Variants in ALDH1A2 observed in about 807,000 individuals in gnomAD.
The protein encoded by ALDH1A2 is aldehyde dehydrogenase 1 family member A2, also known as retinal dehydrogenase 2.
In ALDH1A2, 27 loss-of-function variants were observed where a neutral mutation model predicts 60.3. The ratio of observed to expected loss-of-function variants is 0.45; its 90% CI spans 0.33 to 0.62. ALDH1A2 has a LOEUF of 0.62. Among genes scored for constraint, ALDH1A2 ranks in the 20% least tolerant of loss-of-function variants. ALDH1A2 has a pLI of 0.02. For synonymous variants in ALDH1A2, 289 were observed against 232.4 expected, an observed-to-expected ratio of 1.24 and a Z score of -2.21; for missense variants, 581 against 643.8, an observed-to-expected ratio of 0.90 and a Z score of 1.06.
chr15:58,042,438 T>C lies in ALDH1A2; in HGVS notation c.117+23096A>G, dbSNP rs569993095. On this transcript the variant is annotated intron_variant, in intron 1 of 12. Transcript: ENST00000249750. The stretch of plus-strand genomic sequence containing the variant: ...AACATCTACATAAGGAACAGTAAAA[T>C]AGTAGATGCCCAATAAATGTTTCCT... 2.6e-5 allele frequency among the ~76,000 whole-genome samples: 4 copies of C among 152,072 alleles called. No homozygotes were observed. In the East Asian group the frequency reaches 5.8e-4, roughly 22 times the overall value.
intron 3 of ALDH1A2, among the ~76,000 whole-genome samples, chr15:58,013,581 G>A (rs746535162): frequency 2.6e-5 from 4 of 151,792 alleles, no homozygotes; most frequent in Admixed American, 6.6e-5. Context: ...GTGAAACCCC[G>A]TCTCTACTAA....
At chr15:57,957,862 A>T (rs1219916714) in intron 12 of ALDH1A2, among the ~76,000 whole-genome samples, 6 of 152,164 alleles carry the variant, frequency 3.9e-5, no homozygotes, top group Admixed American at 2.6e-4. Context: ...AGAGCGGAGT[A>T]AAGTCTCCAG....
chr15:57,980,495 T>C, intron 7 of ALDH1A2: 1 of 279,388 alleles, frequency 3.6e-6, no homozygotes, highest in Non-Finnish European at 7.6e-6. Flanking sequence ...CAGGCTCTTC[T>C]GGAAGTCAGG....
chr15:57,981,625 C>T (rs529986843), intron 7 of ALDH1A2, among the ~76,000 whole-genome samples: 28 of 152,236 alleles, frequency 1.8e-4, no homozygotes, highest in South Asian at 1.2e-3. Flanking sequence ...CTAAACAATT[C>T]GCCAAAAGTC....
Position 57,992,835 on chromosome 15 carries a change from G to A in ALDH1A2, c.685-17C>T, listed in dbSNP as rs745452092. ...AAAGCCAGCCTAAGAAAACAGAACA[G>A]GAGGAAACGTGGCTGATGAAAGCTG... On this transcript the variant is annotated splice_polypyrimidine_tract_variant and intron_variant, in intron 6 of 12. Transcript: ENST00000249750. The A allele has an allele frequency of 2.5e-6, 4 of 1,613,886 alleles. No individual in the cohort carries two copies. The highest frequency in any genetic ancestry group is 1.6e-4 in the Middle Eastern group (1 of 6,080).
At chr15:57,966,471 A>G (rs913473120) in intron 7 of ALDH1A2, among the ~76,000 whole-genome samples, 6 of 152,236 alleles carry the variant, frequency 3.9e-5, no homozygotes, top group African/African-American at 1.4e-4. Flanking sequence ...TGAAAATGAA[A>G]GTGTCATAAT....
At chr15:57,958,737 A>C (rs1893625551) in intron 12 of ALDH1A2, among the ~76,000 whole-genome samples, 1 of 152,246 alleles carries the variant, frequency 6.6e-6, no homozygotes, top group South Asian at 2.1e-4. Context: ...GGACCAAGAC[A>C]GAGCAGCTTC....
intron 9 of ALDH1A2, among the ~76,000 whole-genome samples, chr15:57,963,086 C>T (rs35639929): frequency 5.3e-5 from 8 of 152,148 alleles, no homozygotes; most frequent in Admixed American, 3.3e-4. Flanking sequence ...CCCTTCACTT[C>T]CTACACTTTC....
chr15:58,064,464 A>C (rs1294915980), intron 1 of ALDH1A2, among the ~76,000 whole-genome samples: 1 of 152,248 alleles, frequency 6.6e-6, no homozygotes, highest in Admixed American at 6.5e-5. Context: ...AGCCAGATGC[A>C]AACAATTTAC....
intron 12 of ALDH1A2, 115 bp downstream of exon 12, chr15:57,960,655 A>AT: frequency 1.1e-6 from 1 of 879,904 alleles, no homozygotes; most frequent in South Asian, 1.4e-5. Context: ...TGCTCCACGA[A>AT]ATGTTTGTTG....
intron 1 of ALDH1A2, among the ~76,000 whole-genome samples, chr15:58,017,895 T>A (rs1325466346): frequency 6.6e-6 from 1 of 152,192 alleles, no homozygotes; most frequent in African/African-American, 2.4e-5. Context: ...AATTAAAATT[T>A]TAATTTTACT....
rs1176803083 is a variant in ALDH1A2, at chr15:58,006,808, T to A, written c.493+3841A>T. ...GTCACCTGATGCACAAATTCTCAGC[T>A]GGGGTTGAGCAAGGTGACACTCTGC... On this transcript the variant is annotated intron_variant, in intron 4 of 12. Transcript: ENST00000249750. 1.4e-4 allele frequency among the ~76,000 whole-genome samples: 21 copies of A among 149,344 alleles called. 1 individual carries two copies. In the Admixed American group the frequency reaches 1.4e-3, roughly 10 times the overall value.
chr15:58,020,651 C>T (rs1895900790), intron 1 of ALDH1A2, among the ~76,000 whole-genome samples: 1 of 152,168 alleles, frequency 6.6e-6, no homozygotes, highest in African/African-American at 2.4e-5. Flanking sequence ...CCCACCCTGC[C>T]ACTAGAGGTA....
intron 1 of ALDH1A2, among the ~76,000 whole-genome samples, chr15:58,035,675 T>G (rs1230801624): frequency 6.6e-6 from 1 of 151,782 alleles, no homozygotes; most frequent in East Asian, 1.9e-4. Context: ...ACTCATGTGT[T>G]ATTCAGAAGT....
At position 57,973,508 on chromosome 15, in the gene ALDH1A2, G is replaced by T. The variant is rs113093126; in HGVS notation, c.799-7681C>A. On this transcript the variant is annotated intron_variant, in intron 7 of 12. Transcript: ENST00000249750. Reference sequence around the variant, plus strand: ...TTTAAGTGACATGTTCACTCTGGAAGAATCTATACAACTTCTCAGGTAGCC... The same window carrying T: ...TTTAAGTGACATGTTCACTCTGGAATAATCTATACAACTTCTCAGGTAGCC... Among the ~76,000 whole-genome samples the T allele has an allele frequency of 8.7e-3, 1,326 of 152,278 alleles. 18 individuals carry two copies. Among genetic ancestry groups the T allele is most frequent in the African/African-American group, 0.03 (1,263 of 41,558 alleles).
intron 12 of ALDH1A2, among the ~76,000 whole-genome samples, chr15:57,959,472 T>C (rs1224291312): frequency 2.0e-5 from 3 of 152,158 alleles, no homozygotes; most frequent in African/African-American, 7.2e-5. Flanking sequence ...CAGCTGGAAT[T>C]TGGGGAAACT....
chr15:57,955,489 A>G (rs1434631758), intron 12 of ALDH1A2, among the ~76,000 whole-genome samples: 1 of 152,204 alleles, frequency 6.6e-6, no homozygotes, highest in Admixed American at 6.5e-5. Context: ...TTAAAACTTT[A>G]AAGTTTTTTA....
At chr15:57,996,179 G>A (rs914452664) in intron 4 of ALDH1A2, among the ~76,000 whole-genome samples, 4 of 151,950 alleles carry the variant, frequency 2.6e-5, no homozygotes, top group African/African-American at 4.8e-5. Flanking sequence ...AAAGAGAAGC[G>A]ATATGAATCA....
chr15:58,039,661 G>A (rs1488349784), intron 1 of ALDH1A2, among the ~76,000 whole-genome samples: 1 of 151,760 alleles, frequency 6.6e-6, no homozygotes, highest in African/African-American at 2.4e-5. Flanking sequence ...ATAGAGACAT[G>A]TCACCTTTCA....
Sources: allele counts gnomAD v4.1 joint callset (sites outside exome capture counted in the v4.1 genomes callset), GRCh38; gene constraint gnomAD v4.1.1; transcripts MANE v1.5; gene names NCBI Gene and HGNC (gene_info 2026-07-23, HGNC 2026-07-21).